Variants in IGDCC3 observed in about 807,000 individuals in gnomAD.
The protein encoded by IGDCC3 is putative neuronal cell adhesion molecule.
Under a neutral mutation model 72.0 loss-of-function variants are expected in IGDCC3, and 47 were observed. The ratio of observed to expected loss-of-function variants is 0.65; its 90% CI spans 0.52 to 0.83. IGDCC3 has a LOEUF of 0.83. Among genes scored for constraint, IGDCC3 ranks in the 40% least tolerant of loss-of-function variants. The pLI is 0.00. For synonymous variants in IGDCC3, 477 were observed against 472.8 expected, an observed-to-expected ratio of 1.01 and a Z score of -0.11; for missense variants, 1,038 against 1,091.3, an observed-to-expected ratio of 0.95 and a Z score of 0.69.
In IGDCC3 at chr15:65,377,618, G is replaced by A; in HGVS notation, c.103+68C>T. ...CTCCCCGGGTCCGCCCCTCGCGCCCGCTCCCTCCCTGCTCGCCCTTCCCCT... is the reference window on the plus strand; with the variant it reads ...CTCCCCGGGTCCGCCCCTCGCGCCCACTCCCTCCCTGCTCGCCCTTCCCCT... On this transcript the variant is annotated intron_variant, in intron 1 of 13. Transcript: ENST00000327987. This position sits in a 1 kb window ranked among gnomAD's most constrained non-coding sequence, Gnocchi z 4.9. 2.3e-6 allele frequency: 3 copies of A among 1,324,608 alleles called. No homozygotes were observed. The highest frequency in any genetic ancestry group is 2.0e-5 in the South Asian group (1 of 49,924). The allele number at this position is 1,324,608 out of a possible 1,614,324, so 82.1% of individuals were successfully genotyped here. A position where few individuals can be genotyped will look rare whatever the true frequency, so the allele number is the denominator to read the frequency against.
At chr15:65,370,008 T>C (rs1445218408) in intron 2 of IGDCC3, among the ~76,000 whole-genome samples, 1 of 152,052 alleles carries the variant, frequency 6.6e-6, no homozygotes, top group African/African-American at 2.4e-5. Flanking sequence ...ACTTCAGAAG[T>C]AGGAACTGAG....
intron 2 of IGDCC3, among the ~76,000 whole-genome samples, chr15:65,341,840 C>G (rs905389354): frequency 2.6e-5 from 4 of 152,174 alleles, no homozygotes; most frequent in African/African-American, 7.2e-5. Flanking sequence ...GTGGCATGAT[C>G]TCAGCTCACC....
At chr15:65,337,322 G>A (rs1413800524) in intron 2 of IGDCC3, among the ~76,000 whole-genome samples, 1 of 152,172 alleles carries the variant, frequency 6.6e-6, no homozygotes, top group Non-Finnish European at 1.5e-5. Flanking sequence ...GTGTCTGATG[G>A]GTGTGTGCGC....
chr15:65,377,504 GC>G lies in IGDCC3; in HGVS notation c.103+181del, dbSNP rs2091366089. Among the ~76,000 whole-genome samples, 3 of 152,132 alleles carry G rather than the reference GC, an allele frequency of 2.0e-5. No individual in the cohort carries two copies. The highest frequency in any genetic ancestry group is 2.0e-4 in the Admixed American group (3 of 15,274). On this transcript the variant is annotated intron_variant, in intron 1 of 13. Transcript: ENST00000327987. This position sits in a 1 kb window ranked among gnomAD's most constrained non-coding sequence, Gnocchi z 4.9. The stretch of plus-strand genomic sequence containing the variant: ...GTTCCGTCCTCAACACGCCCCTAGG[GC>G]CCCCAGCAGTCCGGCCTTGGTACCC...
chr15:65,333,387 G>A lies in IGDCC3; in HGVS notation c.852C>T (p.Ile284=). The part of the protein sequence containing the change: ...LDGRPIGVEG[I]QVLGTGNLII... ...TGAGGTTTCCTGTGCCCAGCACCTG[G>A]ATGCCCTCCACCCCGATAGGGCGAC... The change falls in exon 6 of 14, where the codon ATC becomes ATT. Residue 284 remains isoleucine, a synonymous_variant. Transcript: ENST00000327987. The A allele has an allele frequency of 6.2e-7, 1 of 1,609,694 alleles. No individual in the cohort carries two copies. The highest frequency in any genetic ancestry group is 1.3e-5 in the African/African-American group (1 of 74,876).
rs369658817 is a variant in IGDCC3 at position 65,335,859 on chromosome 15, C to G, written c.507G>C (p.Leu169=). ...GGACTCTGTTCTTCTCCCAAGTGAT[C>G]AGGGGTTTGGGAAGCCCATGGATTT... is the stretch of plus-strand genomic sequence containing the variant. ...QCQIHGLPKP[L]ITWEKNRVPI... The change falls in exon 3 of 14, where the codon CTG becomes CTC. Residue 169 remains leucine, a synonymous_variant. Transcript: ENST00000327987. 6.2e-6 allele frequency: 10 copies of G among 1,614,060 alleles called. No homozygotes were observed. Among genetic ancestry groups the G allele is most frequent in the Admixed American group, 1.7e-5 (1 of 60,002 alleles).
chr15:65,360,601 G>A (rs1173475065), intron 2 of IGDCC3, among the ~76,000 whole-genome samples: 1 of 152,156 alleles, frequency 6.6e-6, no homozygotes, highest in Admixed American at 6.5e-5. Context: ...CCCAAGTTGG[G>A]GGAGGGAAAA....
intron 1 of IGDCC3, among the ~76,000 whole-genome samples, chr15:65,376,269 G>C (rs1438446299): frequency 6.6e-6 from 1 of 152,232 alleles, no homozygotes; most frequent in Non-Finnish European, 1.5e-5. Flanking sequence ...AGCAGGAAAA[G>C]AAGGAGGCCA....
intron 2 of IGDCC3, among the ~76,000 whole-genome samples, chr15:65,371,677 G>C: frequency 6.6e-6 from 1 of 152,222 alleles, no homozygotes; most frequent in East Asian, 1.9e-4. Context: ...TTCCCCAAGA[G>C]ACCTGAGATC....
At chr15:65,364,168 A>G (rs2140166607) in intron 2 of IGDCC3, among the ~76,000 whole-genome samples, 1 of 152,318 alleles carries the variant, frequency 6.6e-6, no homozygotes, top group East Asian at 1.9e-4. Context: ...TAGGTTCTCC[A>G]GGGGTGTGAG....
chr15:65,371,379 G>A (rs1270171270), intron 2 of IGDCC3, among the ~76,000 whole-genome samples: 1 of 152,208 alleles, frequency 6.6e-6, no homozygotes, highest in Non-Finnish European at 1.5e-5. Context: ...CAGAGCTGGG[G>A]TTCAGACCCA....
chr15:65,355,944 T>G (rs1001586362), intron 2 of IGDCC3: 9 of 295,114 alleles, frequency 3.0e-5, no homozygotes, highest in African/African-American at 1.8e-4. Context: ...GCGGTGCCTG[T>G]CTCCCCGAGG....
At position 65,331,560 on chromosome 15, in the gene IGDCC3, G is replaced by A. The variant is rs2090978755; in HGVS notation, c.1248C>T (p.Thr416=). 1.1e-5 allele frequency: 17 copies of A among 1,613,610 alleles called. No individual in the cohort carries two copies. Among genetic ancestry groups the A allele is most frequent in the East Asian group, 4.5e-5 (2 of 44,852 alleles). ...AGSSQASARL[T]VLWAEGLPGP... ...CGGGGAGCCCCTCAGCCCACAGTAC[G>A]GTCAGCCTGGCACTGGCCTGTGATG... The change falls in exon 8 of 14, where the codon ACC becomes ACT. Residue 416 remains threonine (T), a synonymous_variant. Transcript: ENST00000327987.
At chr15:65,346,316 GC>G (rs2091123416) in intron 2 of IGDCC3, among the ~76,000 whole-genome samples, 1 of 152,220 alleles carries the variant, frequency 6.6e-6, no homozygotes, top group Non-Finnish European at 1.5e-5. Flanking sequence ...GAGAGGGTGG[GC>G]CTGCAGGTCT....
chr15:65,358,668 GTTTTA>G (rs60142592), intron 2 of IGDCC3, among the ~76,000 whole-genome samples: 54,412 of 151,292 alleles, frequency 0.36, 10,073 homozygotes, highest in East Asian at 0.48. Flanking sequence ...GTGTCTTTAT[GTTTTA>G]TTTTATTTTA....
chr15:65,351,476 A>G (rs368151609), intron 2 of IGDCC3, among the ~76,000 whole-genome samples: 3,247 of 151,052 alleles, frequency 0.021, 117 homozygotes, highest in African/African-American at 0.075. Context: ...AGAGCTTGCA[A>G]TGAGCCGAGA....
intron 2 of IGDCC3, among the ~76,000 whole-genome samples, chr15:65,342,899 C>G (rs914159373): frequency 1.3e-5 from 2 of 151,980 alleles, no homozygotes; most frequent in East Asian, 3.9e-4. Context: ...CGCTCTGTTG[C>G]CCGGGTTCAC....
chr15:65,338,060 C>T (rs1244992306), intron 2 of IGDCC3, among the ~76,000 whole-genome samples: 1 of 152,220 alleles, frequency 6.6e-6, no homozygotes, highest in Admixed American at 6.5e-5. Context: ...GCTTCCACTG[C>T]CTGACTCCCT....
chr15:65,331,287 C>A (rs770912770), intron 8 of IGDCC3, 73 bp from the exon 9 acceptor site: 14 of 1,582,588 alleles, frequency 8.8e-6, no homozygotes, highest in Non-Finnish European at 1.1e-5. Flanking sequence ...GAAATGAGGG[C>A]AGCCAGGGTG....
Sources: gnomAD v4.1 joint callset for allele counts (sites outside exome capture counted in the v4.1 genomes callset) on GRCh38, gnomAD v4.1.1 for gene constraint, Gnocchi (gnomAD v3.1) non-coding constraint, MANE v1.5 for transcripts, NCBI Gene and HGNC (gene_info 2026-07-23, HGNC 2026-07-21) for gene names.